Variants in LAMA2 observed in about 807,000 individuals in gnomAD.
LAMA2 encodes the protein laminin subunit alpha-2.
In LAMA2, 269 loss-of-function variants were observed where a neutral mutation model predicts 364.8. The observed-to-expected ratio is 0.74, with a 90% CI of 0.67 to 0.82. The LOEUF is 0.82. LAMA2 is among the 40% of genes least tolerant of loss of function. LAMA2 has a pLI of 0.00. For missense variants in LAMA2, 3,807 were observed against 3,873.2 expected (o/e 0.98, Z 0.45); for synonymous variants, 1,379 against 1,370.6 (o/e 1.01, Z -0.14).
At chr6:129,052,134 C>G (rs932755852) in intron 2 of LAMA2, among the ~76,000 whole-genome samples, 3 of 139,718 alleles carry the variant, frequency 2.1e-5, no homozygotes, top group Admixed American at 1.4e-4. Flanking sequence ...TATTTCTTCT[C>G]CTTTTTTTTT....
At chr6:128,958,299 A>G (rs944026609) in intron 1 of LAMA2, among the ~76,000 whole-genome samples, 14 of 152,112 alleles carry the variant, frequency 9.2e-5, no homozygotes, top group African/African-American at 2.9e-4. Context: ...GGCTTCTTAG[A>G]GCAAAAGTTT....
chr6:128,964,847 GT>G (rs1461584077), intron 1 of LAMA2, among the ~76,000 whole-genome samples: 1 of 152,000 alleles, frequency 6.6e-6, no homozygotes, highest in East Asian at 1.9e-4. Flanking sequence ...TATATGTCAG[GT>G]AGGTTTGGGT....
intron 27 of LAMA2, among the ~76,000 whole-genome samples, chr6:129,316,789 G>A (rs1031210140): frequency 3.3e-5 from 5 of 152,160 alleles, no homozygotes; most frequent in African/African-American, 1.2e-4. Flanking sequence ...GGCTTGTTGG[G>A]TCTGACACTT....
At chr6:129,433,431 T>A (rs1240183768) in intron 41 of LAMA2, among the ~76,000 whole-genome samples, 1 of 152,178 alleles carries the variant, frequency 6.6e-6, no homozygotes, top group Non-Finnish European at 1.5e-5. Flanking sequence ...GGACAGGGTC[T>A]TTAGAAATCT....
intron 3 of LAMA2, among the ~76,000 whole-genome samples, chr6:129,091,875 G>A (rs1047232981): frequency 2.0e-5 from 3 of 152,136 alleles, no homozygotes; most frequent in African/African-American, 7.2e-5. Context: ...TCCACTTATA[G>A]CATTGTCAGA....
intron 12 of LAMA2, among the ~76,000 whole-genome samples, chr6:129,239,022 C>G (rs761482817): frequency 2.4e-4 from 36 of 152,026 alleles, no homozygotes; most frequent in African/African-American, 7.7e-4. Context: ...TTGCTCTGGG[C>G]AGTTACAATA....
chr6:129,247,993 C>T (rs963365968), intron 12 of LAMA2, among the ~76,000 whole-genome samples: 2 of 152,110 alleles, frequency 1.3e-5, no homozygotes, highest in Non-Finnish European at 2.9e-5. Flanking sequence ...CCCCAACTCC[C>T]GGGCTATACA....
intron 1 of LAMA2, among the ~76,000 whole-genome samples, chr6:128,991,299 C>T (rs915356277): frequency 6.6e-6 from 1 of 152,142 alleles, no homozygotes; most frequent in African/African-American, 2.4e-5. Context: ...CTGACACAGT[C>T]CTTTTTCCTT....
chr6:129,285,554 G>A (rs1789043169), intron 18 of LAMA2, among the ~76,000 whole-genome samples: 1 of 152,062 alleles, frequency 6.6e-6, no homozygotes, highest in South Asian at 2.1e-4. Flanking sequence ...CTCATCTTGA[G>A]GAAAGTGAGC....
chr6:129,481,179 G>T (rs1784327097), intron 54 of LAMA2, 84 bp from the exon 55 acceptor site: 1 of 1,004,522 alleles, frequency 1.0e-6, no homozygotes, highest in African/African-American at 1.6e-5. Flanking sequence ...CACATTAATT[G>T]CATCGAGGAG....
At chr6:129,013,531 A>G (rs1784898250) in intron 1 of LAMA2, among the ~76,000 whole-genome samples, 1 of 152,194 alleles carries the variant, frequency 6.6e-6, no homozygotes, top group African/African-American at 2.4e-5. Flanking sequence ...ACTAAAAGAA[A>G]CCAGCATAGT....
intron 40 of LAMA2, among the ~76,000 whole-genome samples, chr6:129,414,314 C>T (rs1780680525): frequency 6.6e-6 from 1 of 152,036 alleles, no homozygotes; most frequent in Admixed American, 6.5e-5. Context: ...ATTTCCTCAG[C>T]TTATTTTATG....
intron 1 of LAMA2, among the ~76,000 whole-genome samples, chr6:128,983,153 G>T (rs1783002643): frequency 6.6e-6 from 1 of 152,072 alleles, no homozygotes; most frequent in African/African-American, 2.4e-5. Context: ...GGGTCAAAGG[G>T]TATTTCTAGT....
intron 37 of LAMA2, among the ~76,000 whole-genome samples, 175 bp from the exon 38 acceptor site, chr6:129,401,047 TAG>T (rs1779939512): frequency 6.6e-6 from 1 of 152,244 alleles, no homozygotes; most frequent in South Asian, 2.1e-4. Flanking sequence ...AGCCTCTACA[TAG>T]AAGAACTCTT....
At chr6:129,144,210 TAG>T in intron 5 of LAMA2, 130 bp downstream of exon 5, 1 of 633,644 alleles carries the variant, frequency 1.6e-6, no homozygotes, top group Non-Finnish European at 2.7e-6. Context: ...TTTAGAATTG[TAG>T]ATTATTATTA....
intron 1 of LAMA2, among the ~76,000 whole-genome samples, chr6:129,041,738 G>A (rs1369644162): frequency 6.6e-6 from 1 of 152,068 alleles, no homozygotes; most frequent in African/African-American, 2.4e-5. Context: ...CATAGTGGCT[G>A]ATGCCTGTAA....
intron 22 of LAMA2, among the ~76,000 whole-genome samples, chr6:129,309,273 G>T (rs550309179): frequency 6.6e-5 from 10 of 152,244 alleles, no homozygotes; most frequent in Non-Finnish European, 1.5e-4. Flanking sequence ...ATTCTCTATT[G>T]CTAAACAAAT....
At chr6:129,366,626 A>G (rs1017887512) in intron 33 of LAMA2, among the ~76,000 whole-genome samples, 2 of 152,246 alleles carry the variant, frequency 1.3e-5, no homozygotes, top group African/African-American at 4.8e-5. Flanking sequence ...ATGTGCAAAC[A>G]TAAAATCAGG....
chr6:129,006,219 T>A (rs1381030259), intron 1 of LAMA2, among the ~76,000 whole-genome samples: 1 of 152,144 alleles, frequency 6.6e-6, no homozygotes, highest in African/African-American at 2.4e-5. Context: ...GCCTACATAA[T>A]TGAGACCAAG....
Sources: allele counts gnomAD v4.1 joint callset (sites outside exome capture counted in the v4.1 genomes callset), GRCh38; gene constraint gnomAD v4.1.1; transcripts MANE v1.5; gene names NCBI Gene and HGNC (gene_info 2026-07-23, HGNC 2026-07-21).